Variants in SV2B observed in about 807,000 individuals in gnomAD.
SV2B encodes the protein solute carrier family 22 member B2.
In SV2B, 41 loss-of-function variants were observed where a neutral mutation model predicts 73.9. The ratio of observed to expected loss-of-function variants is 0.56; its 90% confidence interval spans 0.43 to 0.72. The LOEUF (loss-of-function observed/expected upper bound fraction) is 0.72. SV2B is among the 30% of genes least tolerant of loss of function. The pLI is 0.00. For synonymous variants in SV2B, 314 were observed against 314.2 expected, an observed-to-expected ratio of 1.00 and a Z score of 0.01; for missense variants, 764 against 857.8, an observed-to-expected ratio of 0.89 and a Z score of 1.37.
At chr15:91,143,086 T>A (rs1249935635) in intron 1 of SV2B, among the ~76,000 whole-genome samples, 1 of 152,196 alleles carries the variant, frequency 6.6e-6, no homozygotes, top group Non-Finnish European at 1.5e-5. Flanking sequence ...TCCCAAGTGT[T>A]GGTGCTGTCC....
intron 1 of SV2B, among the ~76,000 whole-genome samples, chr15:91,168,536 C>T (rs1174372718): frequency 6.6e-6 from 1 of 152,144 alleles, no homozygotes; most frequent in Non-Finnish European, 1.5e-5. Context: ...ATCCTATGTT[C>T]CACAGAGGTC....
intron 1 of SV2B, among the ~76,000 whole-genome samples, chr15:91,149,959 A>G (rs1040320339): frequency 6.6e-6 from 1 of 151,880 alleles, no homozygotes; most frequent in African/African-American, 2.4e-5. Flanking sequence ...TGTAGCGCTG[A>G]CCCTCTGATA....
At position 91,139,937 on chromosome 15, in the gene SV2B, C is replaced by T. The variant is rs146907726; in HGVS notation, c.-392+39574C>T. Among the ~76,000 whole-genome samples the T allele has an allele frequency of 9.2e-5, 14 of 152,154 alleles. No individual in the cohort carries two copies. The highest frequency in any genetic ancestry group is 1.3e-4 in the Non-Finnish European group (9 of 68,028). On this transcript the variant is annotated intron_variant, in intron 1 of 12. Coordinates refer to ENST00000394232, the MANE Select transcript of SV2B (RefSeq NM_001323032.3). This position sits in a 1 kb window ranked among gnomAD's most constrained non-coding sequence, Gnocchi z 5.2. ...AGAGTTTGGTGAGAGTGACAGCCTG[C>T]GTCTCAGCCCAGATCATTTGGAAAT...
At chr15:91,134,016 T>TTTTTTTTTTTTTTTTTTTTTTTTTTTTA (rs3082090) in intron 1 of SV2B, among the ~76,000 whole-genome samples, 1 of 145,316 alleles carries the variant, frequency 6.9e-6, no homozygotes. Flanking sequence ...TTTTTTTTTT[T>TTTTTTTTTTTTTTTTTTTTTTTTTTTTA]GAGATGGAGT....
chr15:91,250,062 GA>G (rs2047423129), intron 2 of SV2B, among the ~76,000 whole-genome samples: 1 of 152,076 alleles, frequency 6.6e-6, no homozygotes, highest in Non-Finnish European at 1.5e-5. Context: ...ACACTACAAG[GA>G]AAGAAAATTA....
chr15:91,204,561 T>C (rs954876914), intron 1 of SV2B, among the ~76,000 whole-genome samples: 139 of 149,958 alleles, frequency 9.3e-4, no homozygotes, highest in African/African-American at 3.2e-3. Flanking sequence ...TTCTTCTTTT[T>C]TTTTTTTTTT....
rs16974233 is a variant in SV2B, at chr15:91,122,455, C to A, written c.-392+22092C>A. 0.066 allele frequency among the ~76,000 whole-genome samples: 10,108 copies of A among 152,264 alleles called. 402 individuals are homozygous for A. The highest frequency in any genetic ancestry group is 0.095 in the Middle Eastern group (28 of 294). ...TCAGCTTTCTCCTGCTGGGTTGACT[C>A]TCTGATCCCTATGCCTTGTAAGCCA... On this transcript the variant is annotated intron_variant, in intron 1 of 12. Coordinates refer to ENST00000394232, the MANE Select transcript of SV2B (RefSeq NM_001323032.3). This position sits in a 1 kb window ranked among gnomAD's most constrained non-coding sequence, Gnocchi z 4.3.
At chr15:91,133,122 C>T (rs1257695738) in intron 1 of SV2B, among the ~76,000 whole-genome samples, 1 of 152,128 alleles carries the variant, frequency 6.6e-6, no homozygotes, top group African/African-American at 2.4e-5. Context: ...TCAATATGAT[C>T]ACAGCAAAGA....
intron 11 of SV2B, among the ~76,000 whole-genome samples, chr15:91,286,244 C>T (rs1030731576): frequency 6.6e-6 from 1 of 152,194 alleles, no homozygotes; most frequent in African/African-American, 2.4e-5. Context: ...ATCTATTTCA[C>T]TAGGATATGG....
At chr15:91,193,222 G>A (rs1445856048) in intron 1 of SV2B, among the ~76,000 whole-genome samples, 1 of 152,180 alleles carries the variant, frequency 6.6e-6, no homozygotes, top group Non-Finnish European at 1.5e-5. Context: ...TGCCGCAGGA[G>A]GAGAAGGAGA....
In SV2B at chr15:91,234,545, C is replaced by T. The variant is rs1019599448; in HGVS notation, c.451+7831C>T. On this transcript the variant is annotated intron_variant, in intron 2 of 12. Coordinates refer to ENST00000394232, the MANE Select transcript of SV2B (RefSeq NM_001323032.3). This position sits in a 1 kb window ranked among gnomAD's most constrained non-coding sequence, Gnocchi z 5.6. ...TGTGGTACTGGCTAGTTCATTGTGGCATTTTTAGAAATGAAATAAATAGGA... is the reference window on the plus strand; with the variant it reads ...TGTGGTACTGGCTAGTTCATTGTGGTATTTTTAGAAATGAAATAAATAGGA... Among the ~76,000 whole-genome samples, 1 of 152,024 alleles carries T rather than the reference C, an allele frequency of 6.6e-6. No individual in the cohort carries two copies. The highest frequency in any genetic ancestry group is 6.5e-5 in the Admixed American group (1 of 15,272).
Position 91,115,485 on chromosome 15 carries a change from C to T in SV2B, c.-392+15122C>T, listed in dbSNP as rs1201512994. On this transcript the variant is annotated intron_variant, in intron 1 of 12. Transcript: ENST00000394232. This position sits in a 1 kb window ranked among gnomAD's most constrained non-coding sequence, Gnocchi z 4.3. ...CTCTCAGGCTCAAGTAATCCTCCCACCTCAGTCTCCTGAGTAGCTGGGACC... is the reference window on the plus strand; with the variant it reads ...CTCTCAGGCTCAAGTAATCCTCCCATCTCAGTCTCCTGAGTAGCTGGGACC... Among the ~76,000 whole-genome samples, 6 of 152,092 alleles carry T rather than the reference C, an allele frequency of 3.9e-5. No individual in the cohort carries two copies. The highest frequency in any genetic ancestry group is 1.2e-4 in the African/African-American group (5 of 41,414).
At chr15:91,176,185 T>C (rs2044301599) in intron 1 of SV2B, among the ~76,000 whole-genome samples, 3 of 152,182 alleles carry the variant, frequency 2.0e-5, no homozygotes, top group Middle Eastern at 3.2e-3. Context: ...TGATGATTTC[T>C]GATTTCATCC....
At chr15:91,254,616 A>G (rs1391946766) in intron 4 of SV2B, among the ~76,000 whole-genome samples, 1 of 152,186 alleles carries the variant, frequency 6.6e-6, no homozygotes, top group Non-Finnish European at 1.5e-5. Flanking sequence ...GCTGAATCCA[A>G]ATAGTGGTGC....
At chr15:91,135,881 T>C (rs2042807666) in intron 1 of SV2B, among the ~76,000 whole-genome samples, 1 of 152,112 alleles carries the variant, frequency 6.6e-6, no homozygotes, top group Non-Finnish European at 1.5e-5. Flanking sequence ...GGTCTGCCTC[T>C]CCTAAAACTC....
chr15:91,236,029 T>C lies in SV2B; in HGVS notation c.451+9315T>C, dbSNP rs1233462988. Among the ~76,000 whole-genome samples the C allele has an allele frequency of 2.0e-5, 3 of 152,194 alleles. No individual in the cohort carries two copies. The highest frequency in any genetic ancestry group is 6.5e-5 in the Admixed American group (1 of 15,282). On this transcript the variant is annotated intron_variant, in intron 2 of 12. Coordinates refer to ENST00000394232, the MANE Select transcript of SV2B (RefSeq NM_001323032.3). This position sits in a 1 kb window ranked among gnomAD's most constrained non-coding sequence, Gnocchi z 4.1. ...TTGCTCAGGATCTGCACACAGTAGG[T>C]GCTTAGTCAGTACTCATCCTGCTCC...
Position 91,143,334 on chromosome 15 carries a change from T to C in SV2B, c.-392+42971T>C, listed in dbSNP as rs549187806. ...AAGCCTTTCAAATATGTTCCCCAGT[T>C]GATTGTCATGCACACCCAGGTCTGG... On this transcript the variant is annotated intron_variant, in intron 1 of 12. Coordinates refer to ENST00000394232, the MANE Select transcript of SV2B (RefSeq NM_001323032.3). Among the ~76,000 whole-genome samples the C allele has an allele frequency of 7.9e-5, 12 of 152,320 alleles. No individual in the cohort carries two copies. The South Asian group carries it at 2.5e-3, about 32-fold the overall frequency.
At chr15:91,177,533 G>C (rs200426060) in intron 1 of SV2B, among the ~76,000 whole-genome samples, 290 of 130,350 alleles carry the variant, frequency 2.2e-3, no homozygotes, top group African/African-American at 3.2e-3. Flanking sequence ...AGCATGGAAT[G>C]TTCTTCCATT....
chr15:91,209,123 T>TG (rs1216377515), intron 1 of SV2B, among the ~76,000 whole-genome samples: 14 of 141,822 alleles, frequency 9.9e-5, no homozygotes, highest in Admixed American at 2.1e-4. Context: ...TGTTTTTTTT[T>TG]TTTTTTTTTT....
Sources: gnomAD v4.1 joint callset for allele counts (sites outside exome capture counted in the v4.1 genomes callset) on GRCh38, gnomAD v4.1.1 for gene constraint, Gnocchi (gnomAD v3.1) non-coding constraint, MANE v1.5 for transcripts, NCBI Gene and HGNC (gene_info 2026-07-23, HGNC 2026-07-21) for gene names.